Variants in NOL4 observed in about 807,000 individuals in gnomAD.
NOL4 encodes the protein nucleolar protein 4.
In NOL4, 17 loss-of-function variants were observed where a neutral mutation model predicts 75.9. That is an observed-to-expected ratio of 0.22 (90% CI 0.15 to 0.34). NOL4 has a LOEUF of 0.34. Among genes scored for constraint, NOL4 ranks in the 10% least tolerant of loss-of-function variants. The pLI is 1.00. For synonymous variants in NOL4, 292 were observed against 289.9 expected (o/e 1.01, Z -0.07); for missense variants, 614 against 793.5 (o/e 0.77, Z 2.72).
intron 9 of NOL4, among the ~76,000 whole-genome samples, chr18:33,926,344 G>A (rs929190338): frequency 2.7e-5 from 3 of 111,992 alleles, no homozygotes; most frequent in East Asian, 2.8e-4. Context: ...TGGCGACAGA[G>A]GAAGACTCCA....
chr18:34,017,614 T>C (rs1568221408), intron 6 of NOL4, among the ~76,000 whole-genome samples: 1 of 152,162 alleles, frequency 6.6e-6, no homozygotes, highest in Non-Finnish European at 1.5e-5. Context: ...ATAATAAAAA[T>C]AATATCTCTT....
intron 5 of NOL4, among the ~76,000 whole-genome samples, chr18:34,056,262 A>T (rs2076829836): frequency 6.6e-6 from 1 of 152,168 alleles, no homozygotes; most frequent in Non-Finnish European, 1.5e-5. Flanking sequence ...TGCCCAAGCC[A>T]TTATGCACTG....
At chr18:33,938,707 G>A (rs926728513) in intron 9 of NOL4, among the ~76,000 whole-genome samples, 13 of 152,028 alleles carry the variant, frequency 8.6e-5, no homozygotes, top group African/African-American at 2.2e-4. Context: ...TTGCAAAAAT[G>A]TTCTCTCATT....
intron 10 of NOL4, among the ~76,000 whole-genome samples, chr18:33,866,011 G>A (rs2063412208): frequency 1.3e-5 from 2 of 152,102 alleles, no homozygotes; most frequent in South Asian, 4.2e-4. Flanking sequence ...CCAAGTAACT[G>A]TTTAAGGCAT....
chr18:33,863,291 G>C (rs894806279), intron 10 of NOL4, among the ~76,000 whole-genome samples: 4 of 152,048 alleles, frequency 2.6e-5, no homozygotes, highest in African/African-American at 9.7e-5. Flanking sequence ...GAAGGGGGGA[G>C]GGATAGCATT....
chr18:34,094,976 AG>A (rs1412591465), intron 4 of NOL4, among the ~76,000 whole-genome samples: 1 of 152,162 alleles, frequency 6.6e-6, no homozygotes, highest in African/African-American at 2.4e-5. Context: ...GCATCAGCAA[AG>A]GAGTTTCTAT....
intron 9 of NOL4, among the ~76,000 whole-genome samples, chr18:33,887,407 A>G (rs1162735147): frequency 6.6e-6 from 1 of 151,032 alleles, no homozygotes; most frequent in Non-Finnish European, 1.5e-5. Context: ...AGAAAGTACC[A>G]AAGAAGGTGA....
rs527824336 is a variant in NOL4 at position 34,153,148 on chromosome 18, C to A, written c.265-23128G>T. ...CTATAAATATTTTCGTTATATTTTT[C>A]ATATACCCATGTACTCATTTCTTTT... On this transcript the variant is annotated intron_variant, in intron 1 of 10. Coordinates refer to ENST00000261592, the MANE Select transcript of NOL4 (RefSeq NM_003787.5). Among the ~76,000 whole-genome samples the A allele has an allele frequency of 5.3e-5, 8 of 151,878 alleles. No individual in the cohort carries two copies. In the South Asian group the frequency reaches 1.7e-3, roughly 31 times the overall value.
chr18:34,199,757 C>T (rs570851260), intron 1 of NOL4, among the ~76,000 whole-genome samples: 1 of 151,930 alleles, frequency 6.6e-6, no homozygotes, highest in Admixed American at 6.6e-5. Flanking sequence ...TTAGAAAAAA[C>T]AGTGATATCA....
Position 34,171,398 on chromosome 18 carries a change from G to A in NOL4, c.265-41378C>T, listed in dbSNP as rs79939016. Among the ~76,000 whole-genome samples, 1,239 of 152,164 alleles carry A rather than the reference G, an allele frequency of 8.1e-3. 6 individuals are homozygous for A. The highest frequency in any genetic ancestry group is 0.018 in the South Asian group (86 of 4,828). ...TTCAAGAAATAATACAAAAGGAAAA[G>A]TTTCATCATAGAATAGAGAATAAAT... On this transcript the variant is annotated intron_variant, in intron 1 of 10. Transcript: ENST00000261592.
intron 5 of NOL4, among the ~76,000 whole-genome samples, chr18:34,065,203 A>G (rs1400562737): frequency 6.6e-6 from 1 of 151,904 alleles, no homozygotes; most frequent in East Asian, 1.9e-4. Flanking sequence ...GAAAGAGAAT[A>G]CACACATATA....
At chr18:34,012,554 G>C (rs1165211848) in intron 6 of NOL4, among the ~76,000 whole-genome samples, 1 of 151,716 alleles carries the variant, frequency 6.6e-6, no homozygotes, top group African/African-American at 2.4e-5. Context: ...ATAATATGAA[G>C]ATGCTGTTTT....
chr18:33,976,386 T>TC (rs11397613), intron 6 of NOL4, among the ~76,000 whole-genome samples: 1 of 151,968 alleles, frequency 6.6e-6, no homozygotes, highest in South Asian at 2.1e-4. Context: ...TGAGAGAGTT[T>TC]ACATATATTT....
At chr18:33,909,659 C>T (rs1342163376) in intron 9 of NOL4, among the ~76,000 whole-genome samples, 1 of 152,018 alleles carries the variant, frequency 6.6e-6, no homozygotes, top group Non-Finnish European at 1.5e-5. Context: ...CTTATACAGT[C>T]TAATTTTGTT....
intron 8 of NOL4, among the ~76,000 whole-genome samples, chr18:33,946,664 G>T (rs1453838049): frequency 1.3e-5 from 2 of 151,708 alleles, no homozygotes; most frequent in South Asian, 2.1e-4. Flanking sequence ...ATTTAGCAAA[G>T]AATATATCAA....
chr18:33,972,761 G>A (rs2071178489), intron 6 of NOL4, among the ~76,000 whole-genome samples: 1 of 152,196 alleles, frequency 6.6e-6, no homozygotes, highest in African/African-American at 2.4e-5. Flanking sequence ...TCTATTAAGT[G>A]TGCAATAGCA....
chr18:33,948,650 A>G (rs536147268), intron 8 of NOL4, among the ~76,000 whole-genome samples: 1 of 152,152 alleles, frequency 6.6e-6, no homozygotes, highest in Admixed American at 6.6e-5. Flanking sequence ...TCAGTCAGAA[A>G]ATTATAAATA....
chr18:33,883,216 A>G (rs752974613), intron 10 of NOL4, 28 bp downstream of exon 10: 1 of 1,534,728 alleles, frequency 6.5e-7, no homozygotes, highest in Non-Finnish European at 8.8e-7. Context: ...TAATTAAAAA[A>G]AAAACACAAT....
chr18:33,887,119 ATATAT>A (rs536246633), intron 9 of NOL4, among the ~76,000 whole-genome samples: 2,047 of 143,112 alleles, frequency 0.014, 54 homozygotes, highest in African/African-American at 0.049. Flanking sequence ...CTGTATCTAT[ATATAT>A]TATATCTAGA....
Sources: allele counts gnomAD v4.1 joint callset (sites outside exome capture counted in the v4.1 genomes callset), GRCh38; gene constraint gnomAD v4.1.1; transcripts MANE v1.5; gene names NCBI Gene and HGNC (gene_info 2026-07-23, HGNC 2026-07-21).